Variants in TJP2 observed in about 807,000 individuals in gnomAD.
TJP2 encodes tight junction protein 2.
Under a neutral mutation model 133.1 loss-of-function variants are expected in TJP2, and 91 were observed. The observed-to-expected ratio is 0.68, with a 90% CI of 0.58 to 0.81. The LOEUF is 0.81. Ranked by LOEUF, TJP2 falls within the 40% of genes least tolerant of loss-of-function variation. The pLI, the probability that TJP2 is intolerant of heterozygous loss-of-function variation, is 0.00. For synonymous variants in TJP2, 592 were observed against 583.4 expected (o/e 1.01, Z -0.21); for missense variants, 1,541 against 1,565.6 (o/e 0.98, Z 0.26).
Position 69,153,232 on chromosome 9 carries a change from C to T in TJP2, c.-10+1461C>T, listed in dbSNP as rs7875860. ...TGGGCAACAGAGTGAGACTCTATCT[C>T]AGCAACAAAAAAACGTCCCAAACAT... On this transcript the variant is annotated intron_variant, in intron 2 of 5. Coordinates refer to the TJP2 transcript ENST00000423935. 6.7e-3 allele frequency among the ~76,000 whole-genome samples: 1,017 copies of T among 151,850 alleles called. 11 individuals are homozygous for T. The highest frequency in any genetic ancestry group is 0.023 in the African/African-American group (955 of 41,404).
intron 1 of TJP2, among the ~76,000 whole-genome samples, chr9:69,141,415 G>A (rs1034617780): frequency 6.6e-6 from 1 of 151,880 alleles, no homozygotes; most frequent in Non-Finnish European, 1.5e-5. Flanking sequence ...GTTTTCCACC[G>A]CCCACTCCAG....
At chr9:69,239,796 A>G (rs995959020) in intron 16 of TJP2, 141 bp from the exon 17 acceptor site, 153 of 838,056 alleles carry the variant, frequency 1.8e-4, no homozygotes, top group Middle Eastern at 2.9e-4. Context: ...CCTGGGCAAC[A>G]GAGCAAGAAT....
At position 69,216,466 on chromosome 9, in the gene TJP2, GAGTGT is replaced by G. The variant is rs753662957; in HGVS notation, c.239+4_239+8del. On this transcript the variant is annotated splice_donor_5th_base_variant and intron_variant, in intron 3 of 22. Coordinates refer to ENST00000377245, the MANE Select transcript of TJP2 (RefSeq NM_004817.4). ...GGGCCTGCTGATGGGCTGCTCCAGT[GAGTGT>G]CCTCCCTCGCTCCGCAGCCCCTACC... The G allele has an allele frequency of 1.9e-6, 3 of 1,614,070 alleles. No homozygotes were observed. Among genetic ancestry groups the G allele is most frequent in the Non-Finnish European group, 2.5e-6 (3 of 1,180,028 alleles).
At chr9:69,186,797 A>G (rs1031756845) in intron 1 of TJP2, among the ~76,000 whole-genome samples, 27 of 152,204 alleles carry the variant, frequency 1.8e-4, no homozygotes, top group Non-Finnish European at 3.4e-4. Flanking sequence ...TGATTTGACA[A>G]TATTCTTTAG....
intron 1 of TJP2, among the ~76,000 whole-genome samples, chr9:69,196,946 T>TGTACAC (rs796739890): frequency 3.0e-5 from 4 of 134,168 alleles, no homozygotes; most frequent in African/African-American, 1.1e-4. Flanking sequence ...TGTGTGTGTG[T>TGTACAC]ACACACACAC....
In TJP2 at chr9:69,161,214, ATGTGTGTGTGTG is replaced by A. The variant is rs111442939; in HGVS notation, c.-10+9461_-10+9472del. On this transcript the variant is annotated intron_variant, in intron 2 of 5. Transcript: ENST00000423935. Reference sequence around the variant, plus strand: ...GGCCAATAGCTGTAGGTCATCAGTGATGTGTGTGTGTGTGTGTGTGTGTGTGTGTTTAAGATG... The same window carrying A: ...GGCCAATAGCTGTAGGTCATCAGTGATGTGTGTGTGTGTGTGTTTAAGATG... 5.3e-4 allele frequency among the ~76,000 whole-genome samples: 78 copies of A among 148,414 alleles called. No individual in the cohort carries two copies. In the East Asian group the frequency reaches 6.5e-3, roughly 12 times the overall value.
chr9:69,165,502 C>T (rs568230763), intron 2 of TJP2, among the ~76,000 whole-genome samples: 1 of 152,168 alleles, frequency 6.6e-6, no homozygotes, highest in African/African-American at 2.4e-5. Context: ...ATAGTTTCTT[C>T]ACGTATAAAG....
chr9:69,133,094 TGGGACTACA>T (rs1822567995), intron 1 of TJP2, among the ~76,000 whole-genome samples: 1 of 152,184 alleles, frequency 6.6e-6, no homozygotes, highest in Non-Finnish European at 1.5e-5. Context: ...CCCAAACAGC[TGGGACTACA>T]GGCATGTGCC....
At chr9:69,173,204 A>G (rs1564400442), upstream of TJP2, among the ~76,000 whole-genome samples, 1 of 152,218 alleles carries the variant, frequency 6.6e-6, no homozygotes, top group African/African-American at 2.4e-5. Context: ...TTGTGAGCCT[A>G]GGACGAGTTT....
intron 5 of TJP2, 151 bp from the exon 6 acceptor site, chr9:69,225,153 T>A: frequency 1.7e-6 from 1 of 589,484 alleles, no homozygotes; most frequent in South Asian, 2.0e-5. Flanking sequence ...TGGCATTGAC[T>A]TTTTTGAAGA....
intron 1 of TJP2, among the ~76,000 whole-genome samples, chr9:69,209,763 A>AT (rs1362660382): frequency 2.0e-5 from 3 of 151,704 alleles, no homozygotes. Flanking sequence ...AAAAAAAAAA[A>AT]CAAAAAAACT....
At position 69,251,904 on chromosome 9, in the gene TJP2, A is replaced by G. The variant is rs547141210; in HGVS notation, c.3321+540A>G. ...CTTTCAGGTCTAGCACAACAGCAGCAGTACATCTGAGCATTTTTCTTTTCT... is the reference window on the plus strand; with the variant it reads ...CTTTCAGGTCTAGCACAACAGCAGCGGTACATCTGAGCATTTTTCTTTTCT... On this transcript the variant is annotated intron_variant, in intron 21 of 22. Transcript: ENST00000377245. Among the ~76,000 whole-genome samples, 25 of 152,346 alleles carry G rather than the reference A, an allele frequency of 1.6e-4. No homozygotes were observed. The South Asian group carries it at 5.2e-3, about 32-fold the overall frequency.
chr9:69,192,586 G>T (rs1826276477), intron 1 of TJP2, among the ~76,000 whole-genome samples: 1 of 152,216 alleles, frequency 6.6e-6, no homozygotes, highest in Non-Finnish European at 1.5e-5. Context: ...GTGGTTTGTT[G>T]CTCTCCTTCA....
chr9:69,200,384 G>GT (rs112334816), intron 1 of TJP2, among the ~76,000 whole-genome samples: 57,522 of 151,756 alleles, frequency 0.38, 11,173 homozygotes, highest in South Asian at 0.44. Context: ...CTGTTTTGTG[G>GT]TTTTTTACAC....
intron 19 of TJP2, chr9:69,248,579 C>G: frequency 8.4e-7 from 1 of 1,193,882 alleles, no homozygotes. Context: ...AGGTTTCTCT[C>G]TGTACTCTTA....
intron 1 of TJP2, among the ~76,000 whole-genome samples, chr9:69,138,754 C>T (rs1238891271): frequency 6.6e-6 from 1 of 151,632 alleles, no homozygotes; most frequent in African/African-American, 2.4e-5. Context: ...CCCATCTCTA[C>T]TCAAAATACA....
chr9:69,204,087 TA>T (rs1055684430), intron 1 of TJP2, among the ~76,000 whole-genome samples: 5 of 152,190 alleles, frequency 3.3e-5, no homozygotes, highest in African/African-American at 1.2e-4. Flanking sequence ...TTCTGAAGTG[TA>T]GATGGTTTTA....
At chr9:69,188,139 T>G (rs1825977194) in intron 1 of TJP2, among the ~76,000 whole-genome samples, 1 of 152,246 alleles carries the variant, frequency 6.6e-6, no homozygotes, top group South Asian at 2.1e-4. Flanking sequence ...ACTTCTGATC[T>G]GTTGAATGCC....
At chr9:69,216,165 C>T (rs1292290874) in intron 2 of TJP2, among the ~76,000 whole-genome samples, 174 bp from the exon 3 acceptor site, 2 of 152,190 alleles carry the variant, frequency 1.3e-5, no homozygotes, top group East Asian at 3.8e-4. Context: ...CTTTATAAAC[C>T]TGTCAGCTGA....
Sources: allele counts gnomAD v4.1 joint callset (sites outside exome capture counted in the v4.1 genomes callset), GRCh38; gene constraint gnomAD v4.1.1; transcripts MANE v1.5; gene names NCBI Gene and HGNC (gene_info 2026-07-23, HGNC 2026-07-21).